Variants in C9orf152 observed in about 807,000 individuals in gnomAD.
C9orf152 encodes the protein uncharacterized protein C9orf152.
C9orf152 carries 8 observed loss-of-function variants against 8.5 expected under a neutral mutation model. The ratio of observed to expected loss-of-function variants is 0.94; its 90% CI spans 0.55 to 1.70. C9orf152 has a LOEUF of 1.70. Among genes scored for constraint, C9orf152 ranks in the 40% most tolerant of loss-of-function variants. The probability of loss-of-function intolerance (pLI) is 0.00; values close to 1 mark genes in which losing one functional copy is unlikely to be tolerated. For missense variants in C9orf152, 293 were observed against 286.2 expected (o/e 1.02, Z -0.17); for synonymous variants, 109 against 113.0 (o/e 0.96, Z 0.22).
chr9:110,200,227 G>C lies in C9orf152; in HGVS notation c.*721C>G, dbSNP rs1349361529. 6.6e-6 allele frequency: 1 copy of C among 151,142 alleles called. No individual in the cohort carries two copies. Among genetic ancestry groups the C allele is most frequent in the East Asian group, 1.9e-4 (1 of 5,140 alleles). 9.4% of individuals were successfully genotyped at this position (151,142 alleles called of 1,614,324 possible). On this transcript the variant is annotated 3_prime_UTR_variant, in exon 2 of 2. Coordinates refer to ENST00000400613, the MANE Select transcript of C9orf152 (RefSeq NM_001012993.3). ...GGGAGAGACAGAAGGAAGGAAGGAA[G>C]GAAGGAAGGAAGGAAGGAAGGAGAT...
chr9:110,201,540 T>A (rs527359075), intron 1 of C9orf152, 66 bp from the exon 2 acceptor site: 2 of 1,353,348 alleles, frequency 1.5e-6, no homozygotes, highest in Admixed American at 2.6e-5. Flanking sequence ...ACTTAGGGGG[T>A]CTCATTGCTT....
intron 1 of C9orf152, among the ~76,000 whole-genome samples, chr9:110,202,598 T>A (rs1837235517): frequency 6.6e-6 from 1 of 152,166 alleles, no homozygotes. Context: ...GGACTTTTTT[T>A]TAAACCACCT....
intron 1 of C9orf152, 142 bp downstream of exon 1, chr9:110,207,245 C>T: frequency 2.2e-6 from 2 of 896,160 alleles, no homozygotes; most frequent in Non-Finnish European, 3.4e-6. Context: ...GACAGCTGAG[C>T]AGAGCTGCCC....
Position 110,201,124 on chromosome 9 carries a change from C to A in C9orf152, c.544G>T (p.Val182Leu). Residue 182 changes from valine (V) to leucine (L), a missense_variant, in exon 2 of 2, where the codon GTG becomes TTG. Val to Leu is a conservative substitution (Grantham distance 32). Coordinates refer to ENST00000400613, the MANE Select transcript of C9orf152 (RefSeq NM_001012993.3). Reference sequence around the variant, plus strand: ...ACTGCCTTTGTTTGGGTATTGCCCACCTGGCATGGAAGCTGGGCAGCCTCT... The same window carrying A: ...ACTGCCTTTGTTTGGGTATTGCCCAACTGGCATGGAAGCTGGGCAGCCTCT... ...IPEAAQLPCQ[V>L]GNTQTKAVES... 6.2e-7 allele frequency: 1 copy of A among 1,614,204 alleles called. No homozygotes were observed. Among genetic ancestry groups the A allele is most frequent in the Non-Finnish European group, 8.5e-7 (1 of 1,180,042 alleles).
intron 1 of C9orf152, among the ~76,000 whole-genome samples, chr9:110,202,877 AAG>A (rs1377896663): frequency 1.3e-5 from 2 of 152,092 alleles, no homozygotes; most frequent in Admixed American, 1.3e-4. Flanking sequence ...AAAGAAACAG[AAG>A]ACCAGCTGCA....
intron 1 of C9orf152, among the ~76,000 whole-genome samples, chr9:110,203,970 G>A (rs1467334589): frequency 6.6e-6 from 1 of 152,126 alleles, no homozygotes; most frequent in African/African-American, 2.4e-5. Flanking sequence ...GCCAGAGTCA[G>A]GAAGACATGA....
chr9:110,207,638 A>C lies in C9orf152; in HGVS notation c.-59T>G. Reference sequence around the variant, plus strand: ...GGGGCAGGACCTGGGGAGGGGAGAGAGAGGGAGGGGGCAGTGAGGGAGAAG... The same window carrying C: ...GGGGCAGGACCTGGGGAGGGGAGAGCGAGGGAGGGGGCAGTGAGGGAGAAG... On this transcript the variant is annotated 5_prime_UTR_variant, in exon 1 of 2. Transcript: ENST00000400613. 7.6e-7 allele frequency: 1 copy of C among 1,318,776 alleles called. No individual in the cohort carries two copies. Among genetic ancestry groups the C allele is most frequent in the Non-Finnish European group, 1.0e-6 (1 of 984,362 alleles). The allele number at this position is 1,318,776 out of a possible 1,614,324, so 81.7% of individuals were successfully genotyped here. A position where few individuals can be genotyped will look rare whatever the true frequency, so the allele number is the denominator to read the frequency against.
intron 1 of C9orf152, among the ~76,000 whole-genome samples, chr9:110,206,771 T>C (rs899426531): frequency 6.6e-6 from 1 of 152,190 alleles, no homozygotes; most frequent in Non-Finnish European, 1.5e-5. Flanking sequence ...TGTTCCTCTG[T>C]TAGAGGAGGA....
chr9:110,205,917 C>G (rs1837269167), intron 1 of C9orf152, among the ~76,000 whole-genome samples: 1 of 152,064 alleles, frequency 6.6e-6, no homozygotes, highest in Non-Finnish European at 1.5e-5. Flanking sequence ...ATTAACCGAG[C>G]ATGGTGGCAG....
chr9:110,207,157 A>G (rs1207148529), intron 1 of C9orf152, among the ~76,000 whole-genome samples: 1 of 152,244 alleles, frequency 6.6e-6, no homozygotes, highest in Non-Finnish European at 1.5e-5. Context: ...TAGCAAGATT[A>G]GAACATCAGA....
chr9:110,201,146 C>T lies in C9orf152; in HGVS notation c.522G>A (p.Glu174=). 1 of 1,614,222 alleles carries T rather than the reference C, an allele frequency of 6.2e-7. No individual in the cohort carries two copies. The highest frequency in any genetic ancestry group is 2.2e-5 in the East Asian group (1 of 44,886). The change falls in exon 2 of 2, where the codon GAG becomes GAA. Residue 174 remains glutamate (E), a synonymous_variant. Coordinates refer to ENST00000400613, the MANE Select transcript of C9orf152 (RefSeq NM_001012993.3). ...CCACCTGGCATGGAAGCTGGGCAGC[C>T]TCTGGGATTCCGGTTCCTTGCTGAG... ...QMTQQGTGIP[E]AAQLPCQVGN...
Position 110,207,472 on chromosome 9 carries a change from T to TG in C9orf152, c.107dup (p.Leu37ThrfsTer11). Reference sequence around the variant, plus strand: ...GGGCTCGCAGGAACTGGATGCTGAGTGGGGGCCCTTTCCCAGGGGCCTGAG... The same window carrying TG: ...GGGCTCGCAGGAACTGGATGCTGAGTGGGGGGCCCTTTCCCAGGGGCCTGAG... On this transcript the variant is annotated frameshift_variant, in exon 1 of 2. Coordinates refer to ENST00000400613, the MANE Select transcript of C9orf152 (RefSeq NM_001012993.3). LOFTEE classifies it high-confidence loss of function. 6.2e-7 allele frequency: 1 copy of TG among 1,613,044 alleles called. No individual in the cohort carries two copies. Among genetic ancestry groups the TG allele is most frequent in the Non-Finnish European group, 8.5e-7 (1 of 1,179,574 alleles).
chr9:110,200,798 C>CCACAATTCCTATA lies in C9orf152; in HGVS notation c.*149_*150insTATAGGAATTGTG. Reference sequence around the variant, plus strand: ...TATTGGAAGGGTAAAACCATGTTACCATTGTGAAGTTCGTCTCCCACAATT... The same window carrying CCACAATTCCTATA: ...TATTGGAAGGGTAAAACCATGTTACCCACAATTCCTATAATTGTGAAGTTCGTCTCCCACAATT... On this transcript the variant is annotated 3_prime_UTR_variant, in exon 2 of 2. Transcript: ENST00000400613. 2 of 792,086 alleles carry CCACAATTCCTATA rather than the reference C, an allele frequency of 2.5e-6. No individual in the cohort carries two copies. The highest frequency in any genetic ancestry group is 1.7e-5 in the African/African-American group (1 of 57,968). The allele number at this position is 792,086 out of a possible 1,614,324, so 49.1% of individuals were successfully genotyped here.
At position 110,200,929 on chromosome 9, in the gene C9orf152, T is replaced by G. The variant is rs1837208915; in HGVS notation, c.*19A>C. On this transcript the variant is annotated 3_prime_UTR_variant, in exon 2 of 2. Coordinates refer to ENST00000400613, the MANE Select transcript of C9orf152 (RefSeq NM_001012993.3). ...CATAGGTGGCCTCAAGGTCAAGACATCTGGCAGAATAGAAAGCTTCACGCT... is the reference window on the plus strand; with the variant it reads ...CATAGGTGGCCTCAAGGTCAAGACAGCTGGCAGAATAGAAAGCTTCACGCT... 6.3e-7 allele frequency: 1 copy of G among 1,574,990 alleles called. No individual in the cohort carries two copies. Among genetic ancestry groups the G allele is most frequent in the African/African-American group, 1.4e-5 (1 of 73,516 alleles).
chr9:110,207,094 G>A lies in C9orf152; in HGVS notation c.193+293C>T, dbSNP rs72757036. Among the ~76,000 whole-genome samples the A allele has an allele frequency of 6.8e-3, 1,040 of 152,324 alleles. 9 individuals carry two copies. The highest frequency in any genetic ancestry group is 0.03 in the South Asian group (143 of 4,822). On this transcript the variant is annotated intron_variant, in intron 1 of 1. Transcript: ENST00000400613. ...CCAGCCAGGAAGCAGAGCTCCTATC[G>A]CCATACCTGGGCTAGCAGGGGGGCC...
Position 110,200,221 on chromosome 9 carries a change from AAG to A in C9orf152, c.*725_*726del, listed in dbSNP as rs1837197543. On this transcript the variant is annotated 3_prime_UTR_variant, in exon 2 of 2. Coordinates refer to ENST00000400613, the MANE Select transcript of C9orf152 (RefSeq NM_001012993.3). ...GAGGGAGGGAGAGACAGAAGGAAGGAAGGAAGGAAGGAAGGAAGGAAGGAAGG... is the reference window on the plus strand; with the variant it reads ...GAGGGAGGGAGAGACAGAAGGAAGGAGAAGGAAGGAAGGAAGGAAGGAAGG... The A allele has an allele frequency of 1.4e-5, 2 of 142,436 alleles. No homozygotes were observed. The highest frequency in any genetic ancestry group is 2.3e-4 in the South Asian group (1 of 4,310). 8.8% of individuals were successfully genotyped at this position (142,436 alleles called of 1,614,324 possible).
Position 110,207,412 on chromosome 9 carries a change from C to G in C9orf152, c.168G>C (p.Gln56His), listed in dbSNP as rs762679902. The G allele has an allele frequency of 9.9e-6, 16 of 1,612,806 alleles. No homozygotes were observed. In the South Asian group the frequency reaches 1.8e-4, roughly 18 times the overall value. ...YEGLKRQQRT[Q>H]AHLLVLPKGG... ...CTTTTGGAAGCACCAGGAGGTGGGC[C>G]TGGGTCCTCTGCTGCCTCTTCAAGC... Residue 56 changes from glutamine to histidine, a missense_variant, in exon 1 of 2, where the codon CAG becomes CAC. By Grantham distance (24) the Gln-to-His change is conservative (BLOSUM62 0). Transcript: ENST00000400613.
chr9:110,207,114 G>A (rs1041242312), intron 1 of C9orf152, among the ~76,000 whole-genome samples: 5 of 152,208 alleles, frequency 3.3e-5, no homozygotes, highest in Admixed American at 6.5e-5. Flanking sequence ...GGCTAGCAGG[G>A]GGGCCAAGCC....
rs1837284711 is a variant in C9orf152 at position 110,207,377 on chromosome 9, C to T, written c.193+10G>A. 1.9e-6 allele frequency: 3 copies of T among 1,610,826 alleles called. No homozygotes were observed. The highest frequency in any genetic ancestry group is 2.2e-5 in the South Asian group (2 of 90,560). ...AAGTCTCTCCTTCCCCAGCACCTGT[C>T]CATTCCTACCTTTTGGAAGCACCAG... is the stretch of plus-strand genomic sequence containing the variant. On this transcript the variant is annotated intron_variant, in intron 1 of 1. Transcript: ENST00000400613.
Sources: gnomAD v4.1 joint callset for allele counts (sites outside exome capture counted in the v4.1 genomes callset) on GRCh38, gnomAD v4.1.1 for gene constraint, MANE v1.5 for transcripts, NCBI Gene and HGNC (gene_info 2026-07-23, HGNC 2026-07-21) for gene names.